Variants in TXNRD1 observed in about 807,000 individuals in gnomAD.
The protein encoded by TXNRD1 is thioredoxin reductase 1, cytoplasmic.
In TXNRD1, 57 loss-of-function variants were observed where a neutral mutation model predicts 80.3. The ratio of observed to expected loss-of-function variants is 0.71; its 90% CI spans 0.57 to 0.89. The LOEUF (loss-of-function observed/expected upper bound fraction) is 0.89, where lower values mean the gene tolerates loss of function less well. Among genes scored for constraint, TXNRD1 ranks in the 40% least tolerant of loss-of-function variants. The pLI is 0.00. For missense variants in TXNRD1, 730 were observed against 803.0 expected, an observed-to-expected ratio of 0.91 and a Z score of 1.10; for synonymous variants, 291 against 285.2, an observed-to-expected ratio of 1.02 and a Z score of -0.20.
intron 8 of TXNRD1, 123 bp from the exon 9 acceptor site, chr12:104,319,347 A>G (rs932272379): frequency 1.4e-6 from 1 of 706,794 alleles, no homozygotes; most frequent in Admixed American, 2.9e-5. Context: ...CCTTTTTACT[A>G]TATTATTGTC....
rs531706138 is a variant in TXNRD1 at position 104,281,476 on chromosome 12, G to A, written c.305-7455G>A. Among the ~76,000 whole-genome samples, 4 of 142,716 alleles carry A rather than the reference G, an allele frequency of 2.8e-5. No homozygotes were observed. The East Asian group carries it at 6.0e-4, about 22-fold the overall frequency. The allele number at this position is 142,716 out of a possible 152,430, so 93.6% of individuals were successfully genotyped here. A position where few individuals can be genotyped will look rare whatever the true frequency, so the allele number is the denominator to read the frequency against. ...GGCTGGAGTGCAGTGGTGGGATCTC[G>A]GCTCACTGCAAACTCCGCCTCCCGG... On this transcript the variant is annotated intron_variant, in intron 3 of 16. Transcript: ENST00000525566.
intron 1 of TXNRD1, among the ~76,000 whole-genome samples, chr12:104,225,056 ATT>A (rs747163080): frequency 6.6e-6 from 1 of 152,216 alleles, no homozygotes; most frequent in Non-Finnish European, 1.5e-5. Context: ...ATATTTATTC[ATT>A]TAATACTTAC....
chr12:104,277,708 T>G (rs548003688), intron 3 of TXNRD1, among the ~76,000 whole-genome samples: 214 of 152,234 alleles, frequency 1.4e-3, no homozygotes, highest in Non-Finnish European at 2.6e-3. Flanking sequence ...GTTTTTTTTT[T>G]GTCCCTACAA....
chr12:104,276,259 C>T (rs766086340), intron 3 of TXNRD1, among the ~76,000 whole-genome samples: 6 of 152,134 alleles, frequency 3.9e-5, no homozygotes, highest in Admixed American at 6.6e-5. Flanking sequence ...CTGGTAAAGG[C>T]GAGCTTTAGC....
Position 104,254,644 on chromosome 12 carries a change from A to AAAAAATAT in TXNRD1, c.243+2967_243+2968insAAAATATA. 7.5e-5 allele frequency among the ~76,000 whole-genome samples: 7 copies of AAAAAATAT among 93,630 alleles called. No individual in the cohort carries two copies. In the South Asian group the frequency reaches 1.1e-3, roughly 14 times the overall value. 61.4% of individuals were successfully genotyped at this position (93,630 alleles called of 152,430 possible). On this transcript the variant is annotated intron_variant, in intron 2 of 16. Transcript: ENST00000525566. ...CTATGTCTATGGAAAAAAAAAAAAA[A>AAAAAATAT]ATATATATATATATATATATATCAG...
intron 14 of TXNRD1, among the ~76,000 whole-genome samples, 177 bp downstream of exon 14, chr12:104,331,818 C>CTGTGTG (rs35676546): frequency 4.7e-5 from 7 of 150,360 alleles, no homozygotes; most frequent in African/African-American, 1.7e-4. Context: ...GTCTCTCATT[C>CTGTGTG]TGTGTGTGTG....
chr12:104,309,960 G>GTGC (rs36017377), intron 4 of TXNRD1: 40,869 of 1,536,176 alleles, frequency 0.027, 633 homozygotes, highest in Non-Finnish European at 0.03. Context: ...GGTAGCCACA[G>GTGC]TGCTGTGCTT....
intron 10 of TXNRD1, among the ~76,000 whole-genome samples, chr12:104,321,913 T>A (rs1431887926): frequency 6.6e-6 from 1 of 152,200 alleles, no homozygotes; most frequent in Non-Finnish European, 1.5e-5. Flanking sequence ...ACACTTAGTG[T>A]GTGTCTCAGA....
intron 15 of TXNRD1, among the ~76,000 whole-genome samples, chr12:104,337,608 G>A (rs1254621524): frequency 6.6e-6 from 1 of 151,802 alleles, no homozygotes; most frequent in Non-Finnish European, 1.5e-5. Flanking sequence ...TGTAATCCCA[G>A]CACTTTGGGA....
intron 3 of TXNRD1, among the ~76,000 whole-genome samples, chr12:104,272,106 G>A (rs1274262422): frequency 4.6e-5 from 7 of 152,120 alleles, no homozygotes; most frequent in Non-Finnish European, 1.0e-4. Context: ...AAAAGAAATA[G>A]CACTGGAATA....
At chr12:104,218,627 T>TC (rs1471149317) in intron 1 of TXNRD1, among the ~76,000 whole-genome samples, 2 of 151,594 alleles carry the variant, frequency 1.3e-5, no homozygotes, top group Non-Finnish European at 1.5e-5. Flanking sequence ...TTTCTTTCTT[T>TC]TTTTTTTTGA....
rs1440605259 is a variant in TXNRD1, at chr12:104,343,095, G to A, written c.1881+3822G>A. On this transcript the variant is annotated intron_variant, in intron 16 of 16. Coordinates refer to ENST00000525566, the MANE Select transcript of TXNRD1 (RefSeq NM_001093771.3). The stretch of plus-strand genomic sequence containing the variant: ...TGACAGCGAGGACGAAACCACTGAT[G>A]TGTGTGAGGGCCTGCTGTGTGCTGG... 2.6e-5 allele frequency among the ~76,000 whole-genome samples: 4 copies of A among 152,316 alleles called. No homozygotes were observed. The East Asian group carries it at 7.7e-4, about 29-fold the overall frequency.
intron 3 of TXNRD1, among the ~76,000 whole-genome samples, chr12:104,264,103 TACTC>T (rs1454632136): frequency 1.3e-5 from 2 of 152,224 alleles, no homozygotes; most frequent in Admixed American, 6.5e-5. Context: ...TATTGATACT[TACTC>T]ATTCAACAGA....
At chr12:104,239,330 A>G (rs1406573319) in intron 1 of TXNRD1, among the ~76,000 whole-genome samples, 2 of 151,780 alleles carry the variant, frequency 1.3e-5, no homozygotes, top group African/African-American at 4.8e-5. Flanking sequence ...GGTAGCTGGG[A>G]TTACAGGCGT....
At chr12:104,313,046 A>G (rs1362182377) in intron 5 of TXNRD1, among the ~76,000 whole-genome samples, 199 bp from the exon 6 acceptor site, 1 of 152,056 alleles carries the variant, frequency 6.6e-6, no homozygotes, top group Non-Finnish European at 1.5e-5. Flanking sequence ...TTTAAAATCT[A>G]CTCTCAGAAC....
intron 10 of TXNRD1, among the ~76,000 whole-genome samples, chr12:104,324,897 A>G (rs559999664): frequency 8.5e-5 from 13 of 152,308 alleles, no homozygotes; most frequent in African/African-American, 3.1e-4. Context: ...AATGTAATCT[A>G]TCCTTTGTTG....
At chr12:104,324,800 C>T (rs2035697890) in intron 10 of TXNRD1, among the ~76,000 whole-genome samples, 2 of 152,202 alleles carry the variant, frequency 1.3e-5, no homozygotes, top group Non-Finnish European at 2.9e-5. Context: ...AAAACACCCC[C>T]TGGTTCTGAT....
intron 1 of TXNRD1, among the ~76,000 whole-genome samples, chr12:104,249,828 G>C: frequency 6.6e-6 from 1 of 151,222 alleles, no homozygotes. Flanking sequence ...CCAGCTACTC[G>C]CGAGGCTGAG....
intron 16 of TXNRD1, among the ~76,000 whole-genome samples, chr12:104,342,170 C>T (rs2036348259): frequency 6.6e-6 from 1 of 152,110 alleles, no homozygotes. Context: ...ATTACCCAAT[C>T]TCCTGCTCCC....
Sources: allele counts gnomAD v4.1 joint callset (sites outside exome capture counted in the v4.1 genomes callset), GRCh38; gene constraint gnomAD v4.1.1; transcripts MANE v1.5; gene names NCBI Gene and HGNC (gene_info 2026-07-23, HGNC 2026-07-21).